The following GRB14 variants were observed in gnomAD, a reference collection of about 807,000 sequenced individuals.
GRB14 encodes the protein growth factor receptor-bound protein 14.
Under a neutral mutation model 69.1 loss-of-function variants are expected in GRB14, and 38 were observed. That is an observed-to-expected ratio of 0.55 (90% CI 0.42 to 0.72). The LOEUF is 0.72. Ranked by LOEUF, GRB14 falls within the 30% of genes least tolerant of loss-of-function variation. GRB14 has a pLI of 0.00. For missense variants in GRB14, 666 were observed against 666.1 expected (o/e 1.00, Z 0.00); for synonymous variants, 247 against 241.3 (o/e 1.02, Z -0.22).
intron 3 of GRB14, among the ~76,000 whole-genome samples, chr2:164,527,887 A>G (rs2105289678): frequency 6.6e-6 from 1 of 152,176 alleles, no homozygotes; most frequent in East Asian, 1.9e-4. Context: ...AACTGTGAGG[A>G]TGTTGACAGT....
intron 2 of GRB14, among the ~76,000 whole-genome samples, chr2:164,616,637 G>C (rs1445996670): frequency 6.6e-6 from 1 of 152,106 alleles, no homozygotes; most frequent in Non-Finnish European, 1.5e-5. Flanking sequence ...TTTATGACTT[G>C]TAAGATGGTT....
At chr2:164,500,205 C>T (rs137870274) in intron 9 of GRB14, among the ~76,000 whole-genome samples, 84 of 152,188 alleles carry the variant, frequency 5.5e-4, no homozygotes, top group African/African-American at 2.0e-3. Flanking sequence ...TTTGTTTTCC[C>T]TAAAAAGGAC....
At chr2:164,612,668 A>G (rs1437735305) in intron 2 of GRB14, among the ~76,000 whole-genome samples, 3 of 152,040 alleles carry the variant, frequency 2.0e-5, no homozygotes, top group South Asian at 2.1e-4. Flanking sequence ...AGCAATATCC[A>G]TAAGACTGCA....
chr2:164,577,324 G>A (rs1689276315), intron 2 of GRB14, among the ~76,000 whole-genome samples: 1 of 152,184 alleles, frequency 6.6e-6, no homozygotes, highest in Admixed American at 6.5e-5. Context: ...ATACGGTTTG[G>A]CTCTATGTCC....
rs371804626 is a variant in GRB14, at chr2:164,597,580, G to A, written c.324+22107C>T. 8.1e-4 allele frequency among the ~76,000 whole-genome samples: 123 copies of A among 151,966 alleles called. No individual in the cohort carries two copies. In the South Asian group the frequency reaches 0.025, roughly 30 times the overall value. ...TTAACTATACTAGCTAACAATTCTCGAACCATTAAAGAAGCTGGGTTGATT... is the reference window on the plus strand; with the variant it reads ...TTAACTATACTAGCTAACAATTCTCAAACCATTAAAGAAGCTGGGTTGATT... On this transcript the variant is annotated intron_variant, in intron 2 of 13. Transcript: ENST00000263915.
chr2:164,556,097 CAGT>C (rs1200477068), intron 2 of GRB14, among the ~76,000 whole-genome samples: 1 of 152,058 alleles, frequency 6.6e-6, no homozygotes, highest in Non-Finnish European at 1.5e-5. Context: ...TTAAGCAACT[CAGT>C]AGTTCCCTTG....
At chr2:164,518,237 A>G (rs1687546094) in intron 6 of GRB14, among the ~76,000 whole-genome samples, 1 of 152,212 alleles carries the variant, frequency 6.6e-6, no homozygotes, top group Non-Finnish European at 1.5e-5. Context: ...ATGCAAATAC[A>G]TGGAAATTAA....
chr2:164,617,959 T>TTTGGG (rs760744590), intron 2 of GRB14, among the ~76,000 whole-genome samples: 1 of 77,064 alleles, frequency 1.3e-5, no homozygotes, highest in African/African-American at 3.9e-5. Context: ...ATCTTTTTTT[T>TTTGGG]GGGGGGGGGG....
intron 2 of GRB14, among the ~76,000 whole-genome samples, chr2:164,559,417 T>C (rs889100064): frequency 6.6e-6 from 1 of 152,136 alleles, no homozygotes; most frequent in East Asian, 1.9e-4. Flanking sequence ...TACTGCACCA[T>C]TTGTAGTCTT....
At chr2:164,493,987 G>GAAGT (rs1226600434) in intron 13 of GRB14, among the ~76,000 whole-genome samples, 4 of 152,190 alleles carry the variant, frequency 2.6e-5, no homozygotes, top group African/African-American at 9.6e-5. Flanking sequence ...AATGTGTTCA[G>GAAGT]AAGTCTTCAC....
rs139601547 is a variant in GRB14 at position 164,577,537 on chromosome 2, C to A, written c.325-29721G>T. Among the ~76,000 whole-genome samples, 88 of 152,312 alleles carry A rather than the reference C, an allele frequency of 5.8e-4. 1 individual carries two copies. The East Asian group carries it at 0.017, about 29-fold the overall frequency. ...GCTTGCTTCCCCTTCACCCTTCTGC[C>A]GTGATTTTAAGTTTCCTGAAGCCTC... On this transcript the variant is annotated intron_variant, in intron 2 of 13. Coordinates refer to ENST00000263915, the MANE Select transcript of GRB14 (RefSeq NM_004490.3).
chr2:164,538,703 G>T (rs1688149776), intron 3 of GRB14, among the ~76,000 whole-genome samples: 1 of 152,120 alleles, frequency 6.6e-6, no homozygotes, highest in Non-Finnish European at 1.5e-5. Flanking sequence ...ATAATTACAG[G>T]TAGAGGATAT....
chr2:164,541,539 C>A (rs1286481160), intron 3 of GRB14, among the ~76,000 whole-genome samples: 1 of 151,346 alleles, frequency 6.6e-6, no homozygotes, highest in Non-Finnish European at 1.5e-5. Context: ...TGTTTGAGTC[C>A]AGGAATCTGA....
intron 2 of GRB14, among the ~76,000 whole-genome samples, chr2:164,618,038 C>T (rs1690347077): frequency 6.6e-6 from 1 of 151,256 alleles, no homozygotes; most frequent in African/African-American, 2.4e-5. Flanking sequence ...ACAATCTCAG[C>T]TCACTGCAGC....
intron 2 of GRB14, among the ~76,000 whole-genome samples, chr2:164,553,736 G>A (rs1007221791): frequency 6.6e-6 from 1 of 152,056 alleles, no homozygotes; most frequent in African/African-American, 2.4e-5. Flanking sequence ...AGGCCAAGGC[G>A]GGCAGATCAC....
Position 164,619,816 on chromosome 2 carries a change from T to A in GRB14, c.195A>T (p.Arg65Ser). Residue 65 changes from arginine (R) to serine (S), a missense_variant, in exon 2 of 14, where the codon AGA (arginine) becomes AGT (serine). By Grantham distance (110) the Arg-to-Ser change is moderately radical. Transcript: ENST00000263915. ...CCGGAACATCAAGATCTTTCTTTTT[T>A]CTCCTACAGTAAGAGAACATAGGAT... ...DGTRGCAADR[R>S]KKKDLDVPEM... 6.2e-7 allele frequency: 1 copy of A among 1,604,980 alleles called. No homozygotes were observed. Among genetic ancestry groups the A allele is most frequent in the South Asian group, 1.1e-5 (1 of 89,356 alleles).
intron 8 of GRB14, 87 bp downstream of exon 8, chr2:164,508,368 A>T: frequency 9.9e-7 from 1 of 1,012,682 alleles, no homozygotes; most frequent in Non-Finnish European, 1.5e-6. Flanking sequence ...CCACCCAGTG[A>T]GACTTCACGT....
At chr2:164,604,135 C>T (rs1034606558) in intron 2 of GRB14, among the ~76,000 whole-genome samples, 8 of 152,154 alleles carry the variant, frequency 5.3e-5, no homozygotes, top group African/African-American at 1.9e-4. Flanking sequence ...GCATATAGTG[C>T]TGGTGGGCAC....
chr2:164,563,063 A>C (rs1312432307), intron 2 of GRB14, among the ~76,000 whole-genome samples: 1 of 152,124 alleles, frequency 6.6e-6, no homozygotes, highest in East Asian at 1.9e-4. Context: ...AACAATGCCC[A>C]CTACCACTTC....
Sources: gnomAD v4.1 joint callset for allele counts (sites outside exome capture counted in the v4.1 genomes callset) on GRCh38, gnomAD v4.1.1 for gene constraint, MANE v1.5 for transcripts, NCBI Gene and HGNC (gene_info 2026-07-23, HGNC 2026-07-21) for gene names.